SPOPL: variants seen among roughly 807,000 people sequenced by gnomAD.
SPOPL encodes the protein speckle type BTB/POZ protein like, also known as speckle-type POZ protein-like.
In SPOPL, 23 loss-of-function variants were observed where a neutral mutation model predicts 53.8. That is an observed-to-expected ratio of 0.43 (90% CI 0.31 to 0.61). The LOEUF (loss-of-function observed/expected upper bound fraction) is 0.61, where lower values mean the gene tolerates loss of function less well. Ranked by LOEUF, SPOPL falls within the 20% of genes least tolerant of loss-of-function variation. The pLI is 0.12. For missense variants in SPOPL, 442 were observed against 466.9 expected, an observed-to-expected ratio of 0.95 and a Z score of 0.49; for synonymous variants, 164 against 149.7, an observed-to-expected ratio of 1.10 and a Z score of -0.70.
At position 138,570,809 on chromosome 2, in the gene SPOPL, A is replaced by T. The variant is rs991133352; in HGVS notation, c.*1729A>T. ...TTCGAATATGTCCAGATTCATTTGG[A>T]TTCATATTTACATTGAAAAAACTCA... is the stretch of plus-strand genomic sequence containing the variant. On this transcript the variant is annotated 3_prime_UTR_variant, in exon 11 of 11. Coordinates refer to ENST00000280098, the MANE Select transcript of SPOPL (RefSeq NM_001001664.3). 1.1e-4 allele frequency: 16 copies of T among 152,116 alleles called. No homozygotes were observed. The highest frequency in any genetic ancestry group is 3.4e-4 in the African/African-American group (14 of 41,428). The allele number at this position is 152,116 out of a possible 1,614,324, so 9.4% of individuals were successfully genotyped here. A position where few individuals can be genotyped will look rare whatever the true frequency, so the allele number is the denominator to read the frequency against.
chr2:138,529,218 A>G (rs1414406540), intron 1 of SPOPL, among the ~76,000 whole-genome samples: 2 of 152,204 alleles, frequency 1.3e-5, no homozygotes, highest in African/African-American at 4.8e-5. Flanking sequence ...GTATACTTGC[A>G]GAGAGAAGTT....
intron 5 of SPOPL, among the ~76,000 whole-genome samples, chr2:138,553,116 T>G (rs552159548): frequency 6.6e-6 from 1 of 152,078 alleles, no homozygotes; most frequent in African/African-American, 2.4e-5. Flanking sequence ...GCTTTCTGAT[T>G]GTTCAGGCGG....
intron 1 of SPOPL, among the ~76,000 whole-genome samples, chr2:138,546,662 C>T (rs1275328953): frequency 2.6e-5 from 4 of 152,162 alleles, no homozygotes; most frequent in Non-Finnish European, 5.9e-5. Context: ...GGAAGGGCAG[C>T]ATGATTCTAT....
intron 1 of SPOPL, among the ~76,000 whole-genome samples, chr2:138,527,013 A>T (rs1208684360): frequency 6.6e-6 from 1 of 152,166 alleles, no homozygotes; most frequent in Non-Finnish European, 1.5e-5. Context: ...GGCAGCAGCC[A>T]TGGCACCCAA....
intron 1 of SPOPL, among the ~76,000 whole-genome samples, chr2:138,506,842 G>T (rs1184494293): frequency 6.6e-6 from 1 of 152,170 alleles, no homozygotes. Context: ...TGGGAGTGAG[G>T]GATGAGATTG....
At position 138,571,505 on chromosome 2, in the gene SPOPL, A is replaced by G. The variant is rs904687844; in HGVS notation, c.*2425A>G. 6.6e-6 allele frequency: 1 copy of G among 152,568 alleles called. No homozygotes were observed. Among genetic ancestry groups the G allele is most frequent in the Non-Finnish European group, 1.5e-5 (1 of 68,012 alleles). The allele number at this position is 152,568 out of a possible 1,614,324, so 9.5% of individuals were successfully genotyped here. ...CTTTTCAGATAATATAATGCCTACC[A>G]TTATACTAACAGAATCATATGGTAG... is the stretch of plus-strand genomic sequence containing the variant. On this transcript the variant is annotated 3_prime_UTR_variant, in exon 11 of 11. Coordinates refer to ENST00000280098, the MANE Select transcript of SPOPL (RefSeq NM_001001664.3).
Position 138,571,789 on chromosome 2 carries a change from A to AT in SPOPL, c.*2710dup. On this transcript the variant is annotated 3_prime_UTR_variant, in exon 11 of 11. Transcript: ENST00000280098. ...TGAATGGTTTCAAATGTTGCATACT[A>AT]TAAGAATAATCATTGGGTAACTGTT... 1 of 152,740 alleles carries AT rather than the reference A, an allele frequency of 6.5e-6. No homozygotes were observed. Among genetic ancestry groups the AT allele is most frequent in the Non-Finnish European group, 1.5e-5 (1 of 68,006 alleles). The allele number at this position is 152,740 out of a possible 1,614,324, so 9.5% of individuals were successfully genotyped here.
intron 1 of SPOPL, among the ~76,000 whole-genome samples, chr2:138,507,103 C>G (rs1684230123): frequency 6.6e-6 from 1 of 152,058 alleles, no homozygotes; most frequent in Non-Finnish European, 1.5e-5. Context: ...CTGAATTTAG[C>G]AACATGAAGA....
At position 138,569,960 on chromosome 2, in the gene SPOPL, TA is replaced by T. The variant is rs1014514316; in HGVS notation, c.*881del. ...ACTTTTGTATGCTGAATGGTACATA[TA>T]TTTTTTTGCTTTTGAGGGAATTAAT... On this transcript the variant is annotated 3_prime_UTR_variant, in exon 11 of 11. Transcript: ENST00000280098. The T allele has an allele frequency of 6.6e-6, 1 of 152,616 alleles. No individual in the cohort carries two copies. The highest frequency in any genetic ancestry group is 6.6e-5 in the Admixed American group (1 of 15,264). 9.5% of individuals were successfully genotyped at this position (152,616 alleles called of 1,614,324 possible).
rs1266723139 is a variant in SPOPL, at chr2:138,502,108, C to G, written c.-72C>G. The G allele has an allele frequency of 6.6e-6, 1 of 152,352 alleles. No homozygotes were observed. The highest frequency in any genetic ancestry group is 1.5e-5 in the Non-Finnish European group (1 of 68,160). The allele number at this position is 152,352 out of a possible 1,614,324, so 9.4% of individuals were successfully genotyped here. On this transcript the variant is annotated 5_prime_UTR_variant, in exon 1 of 11. Transcript: ENST00000280098. ...TCCACCAGGACTGACCGCTGCCGCC[C>G]AGCACGTCCAGGTAGGCGCCCCTTC...
At chr2:138,532,188 C>T (rs1005790230) in intron 1 of SPOPL, among the ~76,000 whole-genome samples, 1 of 152,120 alleles carries the variant, frequency 6.6e-6, no homozygotes, top group African/African-American at 2.4e-5. Context: ...CAGCATTTGG[C>T]AGAAGTCTTA....
chr2:138,553,727 C>T (rs1426948669), intron 5 of SPOPL, among the ~76,000 whole-genome samples: 1 of 151,996 alleles, frequency 6.6e-6, no homozygotes, highest in Admixed American at 6.6e-5. Flanking sequence ...GTTAAATGAA[C>T]TGTATGATGA....
At chr2:138,502,998 C>A (rs1255790465) in intron 1 of SPOPL, among the ~76,000 whole-genome samples, 1 of 152,122 alleles carries the variant, frequency 6.6e-6, no homozygotes, top group Non-Finnish European at 1.5e-5. Flanking sequence ...TTTGAATAAT[C>A]TTGGGCCTAG....
chr2:138,502,391 T>C (rs1471777166), intron 1 of SPOPL, among the ~76,000 whole-genome samples: 1 of 152,168 alleles, frequency 6.6e-6, no homozygotes, highest in Admixed American at 6.5e-5. Context: ...CCTTCCAGGA[T>C]CCCCTTTAGT....
chr2:138,509,176 G>A (rs146658174), intron 1 of SPOPL, among the ~76,000 whole-genome samples: 1,650 of 152,100 alleles, frequency 0.011, 34 homozygotes, highest in African/African-American at 0.037. Context: ...CTAAAGTGAA[G>A]GTATGATGAA....
chr2:138,520,916 A>G (rs1269776655), intron 1 of SPOPL, among the ~76,000 whole-genome samples: 1 of 152,210 alleles, frequency 6.6e-6, no homozygotes, highest in Non-Finnish European at 1.5e-5. Context: ...GACTATTAAC[A>G]TAGGTACACT....
intron 8 of SPOPL, among the ~76,000 whole-genome samples, chr2:138,563,046 T>C (rs938842422): frequency 1.3e-5 from 2 of 152,118 alleles, no homozygotes; most frequent in Non-Finnish European, 2.9e-5. Context: ...AATGAACAAC[T>C]TTTATTCAGA....
chr2:138,561,077 A>G (rs1558880777), intron 8 of SPOPL, 150 bp downstream of exon 8: 2 of 1,001,036 alleles, frequency 2.0e-6, no homozygotes, highest in East Asian at 6.0e-5. Flanking sequence ...TAATCTGGAA[A>G]TGAAATTTTT....
intron 1 of SPOPL, among the ~76,000 whole-genome samples, chr2:138,520,647 G>A (rs1359502073): frequency 6.6e-6 from 1 of 152,096 alleles, no homozygotes; most frequent in Non-Finnish European, 1.5e-5. Context: ...CATTAGTGTA[G>A]GTTCCCCCAA....
Sources: allele counts gnomAD v4.1 joint callset (sites outside exome capture counted in the v4.1 genomes callset), GRCh38; gene constraint gnomAD v4.1.1; transcripts MANE v1.5; gene names NCBI Gene and HGNC (gene_info 2026-07-23, HGNC 2026-07-21).